ZNF350: variants seen among roughly 807,000 people sequenced by gnomAD.
The protein encoded by ZNF350 is zinc finger protein 350.
ZNF350 carries 5 observed loss-of-function variants against 13.1 expected under a neutral mutation model. The ratio of observed to expected loss-of-function variants is 0.38; its 90% confidence interval spans 0.20 to 0.80. The LOEUF (loss-of-function observed/expected upper bound fraction) is 0.80. Among genes scored for constraint, ZNF350 ranks in the 30% least tolerant of loss-of-function variants. ZNF350 has a pLI of 0.43. For synonymous variants in ZNF350, 199 were observed against 224.2 expected, an observed-to-expected ratio of 0.89 and a Z score of 1.00; for missense variants, 534 against 644.2, an observed-to-expected ratio of 0.83 and a Z score of 1.85.
At chr19:51,972,668 T>C (rs2085774097) in intron 2 of ZNF350, among the ~76,000 whole-genome samples, 1 of 151,850 alleles carries the variant, frequency 6.6e-6, no homozygotes. Context: ...TATATATATC[T>C]ACAGATAGAT....
intron 1 of ZNF350, chr19:51,974,882 C>A (rs990845907): frequency 6.5e-6 from 1 of 153,344 alleles, no homozygotes; most frequent in African/African-American, 2.4e-5. Context: ...TCCTTTAAAT[C>A]ATGTGTGCTC....
intron 1 of ZNF350, among the ~76,000 whole-genome samples, chr19:51,984,519 G>A (rs1297408951): frequency 1.3e-5 from 2 of 152,040 alleles, no homozygotes; most frequent in Non-Finnish European, 2.9e-5. Flanking sequence ...TTCCTCCGAG[G>A]TGCACATCTA....
intron 2 of ZNF350, 97 bp downstream of exon 2, chr19:51,974,245 TGAAA>T: frequency 7.3e-7 from 1 of 1,367,590 alleles, no homozygotes. Flanking sequence ...TCCTGCTTTT[TGAAA>T]TTTATACTTT....
chr19:51,968,419 T>A (rs1474773403), intron 4 of ZNF350, 159 bp downstream of exon 4: 7 of 651,272 alleles, frequency 1.1e-5, no homozygotes, highest in South Asian at 1.8e-5. Flanking sequence ...TGTTTTTTTT[T>A]AACTCTAAAT....
chr19:51,969,904 T>C (rs1043400540), intron 2 of ZNF350, among the ~76,000 whole-genome samples: 5 of 152,076 alleles, frequency 3.3e-5, no homozygotes, highest in Admixed American at 6.6e-5. Context: ...TACATTTCTG[T>C]TTTTTTGAAA....
intron 2 of ZNF350, chr19:51,972,947 C>G (rs936619654): frequency 1.5e-5 from 2 of 129,530 alleles, no homozygotes; most frequent in Non-Finnish European, 3.2e-5. Flanking sequence ...CAGCCAGAAA[C>G]TTTTTTTTTT....
At chr19:51,968,343 G>GCAAA (rs766312128) in intron 4 of ZNF350, 1 of 523,056 alleles carries the variant, frequency 1.9e-6, no homozygotes, top group African/African-American at 2.0e-5. Context: ...AATTATGCAG[G>GCAAA]CAAACAAACA....
At position 51,976,528 on chromosome 19, in the gene ZNF350, A is replaced by T. The variant is rs1012311681; in HGVS notation, c.-171-1997T>A. 1 of 152,376 alleles carries T rather than the reference A, an allele frequency of 6.6e-6. No homozygotes were observed. Among genetic ancestry groups the T allele is most frequent in the African/African-American group, 2.4e-5 (1 of 41,458 alleles). The allele number at this position is 152,376 out of a possible 1,614,324, so 9.4% of individuals were successfully genotyped here. ...TGGAGCAGAGGAACTGAAATTGACA[A>T]GGCGAAAGGGGACCCTGGGAAGAGT... is the stretch of plus-strand genomic sequence containing the variant. On this transcript the variant is annotated intron_variant, in intron 1 of 4. Transcript: ENST00000243644. This position sits in a 1 kb window ranked among gnomAD's most constrained non-coding sequence, Gnocchi z 4.5.
rs548992179 is a variant in ZNF350 at position 51,968,488 on chromosome 19, A to G, written c.238+90T>C. The G allele has an allele frequency of 4.0e-5, 45 of 1,113,442 alleles. 1 individual carries two copies. In the Admixed American group the frequency reaches 7.0e-4, roughly 17 times the overall value. The allele number at this position is 1,113,442 out of a possible 1,614,324, so 69.0% of individuals were successfully genotyped here. On this transcript the variant is annotated intron_variant, in intron 4 of 4. Transcript: ENST00000243644. ...ACAGATGAGTAGAGGAACTGTTTAC[A>G]TATCCTCAAACCCCCTTCACAGCTG...
At chr19:51,966,257 G>T in intron 4 of ZNF350, 43 bp from the exon 5 acceptor site, 1 of 1,501,438 alleles carries the variant, frequency 6.7e-7, no homozygotes, top group Non-Finnish European at 8.9e-7. Context: ...TAGATTTGGG[G>T]TAAAAGTTTG....
chr19:51,965,812 G>C lies in ZNF350; in HGVS notation c.641C>G (p.Ala214Gly), dbSNP rs376707070. 10 of 1,613,966 alleles carry C rather than the reference G, an allele frequency of 6.2e-6. No individual in the cohort carries two copies. The highest frequency in any genetic ancestry group is 1.1e-5 in the South Asian group (1 of 91,082). Residue 214 changes from alanine (A) to glycine (G), a missense_variant, in exon 5 of 5, where the codon GCC (alanine) becomes GGC (glycine). By Grantham distance (60) the Ala-to-Gly change is moderately conservative. Coordinates refer to ENST00000243644, the MANE Select transcript of ZNF350 (RefSeq NM_021632.4). ...AGTTAGCCAAGACTTCTTGATGAAG[G>C]CTTTCCCACATTCACTGCACACATG... is the stretch of plus-strand genomic sequence containing the variant. The part of the protein sequence containing the change: ...KHHVCSECGK[A>G]FIKKSWLTDH...
rs776408816 is a variant in ZNF350 at position 51,965,243 on chromosome 19, A to G, written c.1210T>C (p.Cys404Arg). The G allele has an allele frequency of 1.9e-6, 3 of 1,614,214 alleles. No individual in the cohort carries two copies. The highest frequency in any genetic ancestry group is 1.3e-5 in the African/African-American group (1 of 75,052). ...RTHTGERPYG[C>R]NECGKAFAYM... is the part of the protein sequence containing the mutation. ...GCAAACGCTTTCCCACACTCGTTAC[A>G]GCCATAGGGTCTCTCTCCTGTATGA... The change falls in exon 5 of 5, where the codon TGT becomes CGT. Residue 404 changes from cysteine to arginine, a missense_variant. Cys to Arg is a radical substitution (Grantham distance 180). Coordinates refer to ENST00000243644, the MANE Select transcript of ZNF350 (RefSeq NM_021632.4).
chr19:51,967,663 G>A (rs940319920), intron 4 of ZNF350, among the ~76,000 whole-genome samples: 7 of 152,050 alleles, frequency 4.6e-5, no homozygotes, highest in Non-Finnish European at 7.4e-5. Flanking sequence ...ATACAGAAAG[G>A]AACCAAATGG....
In ZNF350 at chr19:51,983,349, C is replaced by A. The variant is rs2086097950; in HGVS notation, c.-172+3421G>T. On this transcript the variant is annotated intron_variant, in intron 1 of 4. Transcript: ENST00000243644. Reference sequence around the variant, plus strand: ...ATATGGTCTCGTGGGAAGGGAAAAACCTGACCATCTCCCAGCCCAACACTC... The same window carrying A: ...ATATGGTCTCGTGGGAAGGGAAAAAACTGACCATCTCCCAGCCCAACACTC... Among the ~76,000 whole-genome samples, 5 of 152,294 alleles carry A rather than the reference C, an allele frequency of 3.3e-5. No homozygotes were observed. In the South Asian group the frequency reaches 1.0e-3, roughly 32 times the overall value.
chr19:51,985,875 C>T (rs1402196741), intron 1 of ZNF350, among the ~76,000 whole-genome samples: 1 of 152,016 alleles, frequency 6.6e-6, no homozygotes. Flanking sequence ...GGCGTGGTGG[C>T]GTGGGCCTGT....
At position 51,966,112 on chromosome 19, in the gene ZNF350, T is replaced by C. The variant is rs1388717676; in HGVS notation, c.341A>G (p.His114Arg). 6.2e-6 allele frequency: 10 copies of C among 1,613,990 alleles called. No individual in the cohort carries two copies. In the Admixed American group the frequency reaches 8.3e-5, roughly 13 times the overall value. ...TAACAGAAACTGACTTTTGCTGCAA[T>C]GAACAATATTTTCAAATGCATCATG... ...HEHDAFENIV[H>R]CSKSQFLLGQ... The change falls in exon 5 of 5, where the codon CAT becomes CGT. Residue 114 changes from histidine (H) to arginine (R), a missense_variant. Transcript: ENST00000243644.
chr19:51,968,295 A>G (rs1242734589), intron 4 of ZNF350, among the ~76,000 whole-genome samples: 1 of 152,242 alleles, frequency 6.6e-6, no homozygotes, highest in African/African-American at 2.4e-5. Flanking sequence ...GTGGAACAAC[A>G]TGAAGAAGGG....
At chr19:51,983,062 T>C (rs2122962162) in intron 1 of ZNF350, among the ~76,000 whole-genome samples, 1 of 152,232 alleles carries the variant, frequency 6.6e-6, no homozygotes, top group South Asian at 2.1e-4. Context: ...TCCTCTGTCT[T>C]GAGATACTGT....
intron 4 of ZNF350, among the ~76,000 whole-genome samples, chr19:51,966,545 A>AT (rs1157135609): frequency 7.5e-6 from 1 of 133,214 alleles, no homozygotes; most frequent in African/African-American, 2.9e-5. Flanking sequence ...CAGCCAAAGT[A>AT]TTTTTTGTTT....
Sources: gnomAD v4.1 joint callset for allele counts (sites outside exome capture counted in the v4.1 genomes callset) on GRCh38, gnomAD v4.1.1 for gene constraint, Gnocchi (gnomAD v3.1) non-coding constraint, MANE v1.5 for transcripts, NCBI Gene and HGNC (gene_info 2026-07-23, HGNC 2026-07-21) for gene names.